Variants in PCDH11Y observed in about 807,000 individuals in gnomAD.
PCDH11Y encodes the protein protocadherin-11 Y-linked.
For synonymous variants in PCDH11Y, 9 were observed against 83.6 expected (o/e 0.11, Z 4.87); for missense variants, 12 against 224.8 (o/e 0.05, Z 6.05).
At chrY:5,481,599 A>G (rs2124685823) in intron 2 of PCDH11Y, among the ~76,000 whole-genome samples, 1 of 32,286 alleles carries the variant, frequency 3.1e-5, no homozygotes, top group South Asian at 7.0e-4. Flanking sequence ...TCTTTATCTC[A>G]TAATTTTTTT....
At position 5,677,612 on chromosome Y, in the gene PCDH11Y, G is replaced by C; in HGVS notation, c.3353-59660G>C. Among the ~76,000 whole-genome samples the C allele has an allele frequency of 2.7e-4, 9 of 33,027 alleles. No homozygotes were observed. The South Asian group carries it at 6.0e-3, about 22-fold the overall frequency. The allele number at this position is 33,027 out of a possible 37,273, so 88.6% of individuals were successfully genotyped here. A position where few individuals can be genotyped will look rare whatever the true frequency, so the allele number is the denominator to read the frequency against. ...TTGTTACTAATAGCATAATATAAAA[G>C]AATATATCAAATAATGTTTAAACTC... On this transcript the variant is annotated intron_variant, in intron 4 of 4. Coordinates refer to the PCDH11Y transcript ENST00000400457.
chrY:5,435,601 C>T, intron 2 of PCDH11Y, among the ~76,000 whole-genome samples: 1 of 32,558 alleles, frequency 3.1e-5, no homozygotes, highest in Non-Finnish European at 7.5e-5. Flanking sequence ...CAGGCGTGAG[C>T]CACCGCGCCC....
At chrY:5,013,467 C>G in intron 1 of PCDH11Y, among the ~76,000 whole-genome samples, 1 of 31,687 alleles carries the variant, frequency 3.2e-5, no homozygotes, top group Non-Finnish European at 7.7e-5. Flanking sequence ...AAATCACAGA[C>G]TTGAAGAATA....
At chrY:5,330,744 TAGAG>T (rs2053130345) in intron 2 of PCDH11Y, among the ~76,000 whole-genome samples, 1 of 34,335 alleles carries the variant, frequency 2.9e-5, no homozygotes, top group South Asian at 6.5e-4. Flanking sequence ...GATGTTAACT[TAGAG>T]AGAATCATCA....
intron 3 of PCDH11Y, among the ~76,000 whole-genome samples, chrY:5,534,719 G>A: frequency 1.2e-4 from 4 of 33,431 alleles, no homozygotes; most frequent in African/African-American, 4.7e-4. Flanking sequence ...TATACCCAAG[G>A]ATGAGACTGC....
At chrY:5,447,224 C>A in intron 2 of PCDH11Y, among the ~76,000 whole-genome samples, 1 of 30,606 alleles carries the variant, frequency 3.3e-5, no homozygotes, top group Non-Finnish European at 7.9e-5. Flanking sequence ...GTTTCATGCC[C>A]TTATTTTTGC....
chrY:5,628,530 T>A, intron 4 of PCDH11Y, among the ~76,000 whole-genome samples: 1 of 34,060 alleles, frequency 2.9e-5, no homozygotes, highest in Non-Finnish European at 7.3e-5. Flanking sequence ...ACTAGACATA[T>A]AATTTCTTCA....
At chrY:5,398,687 T>A (rs2053229532) in intron 2 of PCDH11Y, among the ~76,000 whole-genome samples, 2 of 34,048 alleles carry the variant, frequency 5.9e-5, no homozygotes, top group African/African-American at 1.1e-4. Flanking sequence ...ATTGTGTTTA[T>A]ACCTGCTGTA....
chrY:5,440,756 TATAGAGAGAG>T (rs2053280361), intron 2 of PCDH11Y, among the ~76,000 whole-genome samples: 4 of 16,940 alleles, frequency 2.4e-4, no homozygotes, highest in African/African-American at 5.4e-4. Flanking sequence ...TATATATATA[TATAGAGAGAG>T]AGAGAGAGAG....
At chrY:5,534,021 A>AT (rs1242156878) in intron 3 of PCDH11Y, among the ~76,000 whole-genome samples, 11 of 31,337 alleles carry the variant, frequency 3.5e-4, no homozygotes, top group South Asian at 2.1e-3. Flanking sequence ...ATTTCTTCAC[A>AT]TTTTTTTTTA....
At chrY:5,359,315 A>G in intron 2 of PCDH11Y, among the ~76,000 whole-genome samples, 1 of 32,741 alleles carries the variant, frequency 3.1e-5, no homozygotes, top group South Asian at 7.0e-4. Context: ...TTTCGAGCAT[A>G]TAGGGTCACT....
chrY:5,163,571 G>A (rs2124644631), intron 2 of PCDH11Y, among the ~76,000 whole-genome samples: 2 of 32,452 alleles, frequency 6.2e-5, no homozygotes, highest in South Asian at 1.4e-3. Flanking sequence ...TGGATTTCTC[G>A]TGAGTGGTTT....
intron 4 of PCDH11Y, among the ~76,000 whole-genome samples, chrY:5,709,046 A>G: frequency 3.3e-5 from 1 of 30,606 alleles, no homozygotes; most frequent in Non-Finnish European, 7.9e-5. Context: ...TAACACCACT[A>G]TTGTAGATTG....
At chrY:5,722,393 G>C (rs2053595547) in intron 4 of PCDH11Y, among the ~76,000 whole-genome samples, 1 of 31,571 alleles carries the variant, frequency 3.2e-5, no homozygotes. Context: ...AAGTAAAAAA[G>C]AAATAAAGAA....
chrY:5,657,848 C>T, intron 4 of PCDH11Y, among the ~76,000 whole-genome samples: 1 of 33,746 alleles, frequency 3.0e-5, no homozygotes, highest in East Asian at 7.5e-4. Context: ...ATTGCATAAA[C>T]AAAGAAGCAC....
At chrY:5,360,082 G>A in intron 2 of PCDH11Y, among the ~76,000 whole-genome samples, 1 of 32,175 alleles carries the variant, frequency 3.1e-5, no homozygotes, top group Non-Finnish European at 7.6e-5. Flanking sequence ...TTGGTGAGAG[G>A]AAGGAAGGTA....
At chrY:5,424,291 A>C in intron 2 of PCDH11Y, among the ~76,000 whole-genome samples, 1 of 32,700 alleles carries the variant, frequency 3.1e-5, no homozygotes, top group Non-Finnish European at 7.6e-5. Flanking sequence ...ATTTCCAGAC[A>C]CTCTAGTTTC....
intron 2 of PCDH11Y, among the ~76,000 whole-genome samples, chrY:5,304,610 G>C: frequency 3.0e-5 from 1 of 32,994 alleles, no homozygotes; most frequent in Non-Finnish European, 7.4e-5. Context: ...TCATTATCTT[G>C]ATGGGCCAAT....
At chrY:5,130,126 T>C (rs2124641052) in intron 2 of PCDH11Y, among the ~76,000 whole-genome samples, 1 of 33,566 alleles carries the variant, frequency 3.0e-5, no homozygotes. Context: ...GTTGATTCTA[T>C]GTTTTGCTAT....
Sources: gnomAD v4.1 joint callset for allele counts (sites outside exome capture counted in the v4.1 genomes callset) on GRCh38, gnomAD v4.1.1 for gene constraint, MANE v1.5 for transcripts, NCBI Gene and HGNC (gene_info 2026-07-23, HGNC 2026-07-21) for gene names.